Variants in RHOF observed in about 807,000 individuals in gnomAD.
RHOF encodes the protein ras homolog family member F, filopodia associated.
RHOF carries 21 observed loss-of-function variants against 22.2 expected under a neutral mutation model. That is an observed-to-expected ratio of 0.95 (90% confidence interval 0.67 to 1.36). RHOF has a LOEUF of 1.36. Ranked by LOEUF, RHOF falls within the 40% of genes most tolerant of loss-of-function variation. The pLI is 0.00. For synonymous variants in RHOF, 135 were observed against 131.2 expected (o/e 1.03, Z -0.20); for missense variants, 285 against 293.7 (o/e 0.97, Z 0.22).
chr12:121,793,346 C>T, intron 1 of RHOF, 107 bp from the exon 2 acceptor site: 1 of 1,433,750 alleles, frequency 7.0e-7, no homozygotes, highest in East Asian at 2.5e-5. Context: ...AGCCCCCCCT[C>T]ACCCCGCTGG....
chr12:121,785,584 G>A (rs73413732), intron 2 of RHOF, among the ~76,000 whole-genome samples: 30,878 of 150,520 alleles, frequency 0.21, 3,718 homozygotes, highest in African/African-American at 0.33. Flanking sequence ...GTGCCACCAT[G>A]CCTGGCTAAT....
intron 2 of RHOF, chr12:121,783,104 A>C (rs538024235): frequency 7.2e-5 from 11 of 152,360 alleles, no homozygotes; most frequent in African/African-American, 2.6e-4. Context: ...CCTCCACTGC[A>C]GAAAGTTCTA....
chr12:121,779,541 T>G lies in RHOF; in HGVS notation c.593A>C (p.Lys198Thr), dbSNP rs746152646. 3.1e-6 allele frequency: 5 copies of G among 1,613,216 alleles called. No individual in the cohort carries two copies. The South Asian group carries it at 3.3e-5, about 11-fold the overall frequency. ...CCGGCGCTTCTTCTGCCGTTGCGCC[T>G]TCTTCAGAGCGCTGAGAGCCACCTT... ...AAKVALSALK[K>T]AQRQKKRRLC... Residue 198 changes from lysine to threonine, a missense_variant, in exon 5 of 5, where the codon AAG (lysine) becomes ACG (threonine). By Grantham distance (78) the Lys-to-Thr change is moderately conservative (BLOSUM62 -1). Transcript: ENST00000267205.
chr12:121,791,807 G>C (rs1874772144), intron 2 of RHOF, among the ~76,000 whole-genome samples: 1 of 152,236 alleles, frequency 6.6e-6, no homozygotes, highest in Non-Finnish European at 1.5e-5. Flanking sequence ...CTGACCTCTT[G>C]CAGGGCAGTG....
intron 2 of RHOF, among the ~76,000 whole-genome samples, chr12:121,791,242 C>T (rs1211335517): frequency 2.6e-5 from 4 of 152,194 alleles, no homozygotes; most frequent in Non-Finnish European, 5.9e-5. Context: ...TCTCCTGCCT[C>T]AGCCTCCCGA....
intron 2 of RHOF, 111 bp downstream of exon 2, chr12:121,793,041 C>T: frequency 1.1e-6 from 1 of 948,726 alleles, no homozygotes. Flanking sequence ...GAAGAGCCGG[C>T]CAAGGCCCTG....
In RHOF at chr12:121,789,018, C is replaced by T. The variant is rs183013690; in HGVS notation, c.226+4134G>A. On this transcript the variant is annotated intron_variant, in intron 2 of 4. Coordinates refer to ENST00000267205, the MANE Select transcript of RHOF (RefSeq NM_019034.3). The stretch of plus-strand genomic sequence containing the variant: ...GCTGAAAGGGTCCATGTCACCTGCC[C>T]GTAGTCACAGAGGGGGCCCATCCAG... Among the ~76,000 whole-genome samples the T allele has an allele frequency of 6.8e-3, 1,038 of 152,184 alleles. 7 individuals are homozygous for T. Among genetic ancestry groups the T allele is most frequent in the African/African-American group, 0.021 (876 of 41,502 alleles).
chr12:121,782,060 G>T (rs1023386388), intron 2 of RHOF: 1 of 152,106 alleles, frequency 6.6e-6, no homozygotes, highest in South Asian at 2.1e-4. Context: ...ATTGCAACAC[G>T]AGTATGAAGA....
At chr12:121,788,982 A>G (rs912808785) in intron 2 of RHOF, among the ~76,000 whole-genome samples, 14 of 152,108 alleles carry the variant, frequency 9.2e-5, no homozygotes, top group Admixed American at 3.3e-4. Flanking sequence ...TCTACCTAAA[A>G]TGATACCAGG....
intron 2 of RHOF, among the ~76,000 whole-genome samples, chr12:121,792,281 T>C (rs1273091656): frequency 6.6e-6 from 1 of 152,192 alleles, no homozygotes; most frequent in East Asian, 1.9e-4. Context: ...CACTAAACAC[T>C]GAGTCACAGA....
chr12:121,790,202 C>T (rs1022368693), intron 2 of RHOF, among the ~76,000 whole-genome samples: 2 of 152,246 alleles, frequency 1.3e-5, no homozygotes, highest in African/African-American at 4.8e-5. Context: ...CGGCCCCTGC[C>T]CAGGACCAGC....
rs1874346167 is a variant in RHOF, at chr12:121,779,128, C to A, written c.*370G>T. 4.8e-6 allele frequency: 1 copy of A among 207,556 alleles called. No individual in the cohort carries two copies. The highest frequency in any genetic ancestry group is 2.3e-5 in the African/African-American group (1 of 44,196). The allele number at this position is 207,556 out of a possible 1,614,324, so 12.9% of individuals were successfully genotyped here. A position where few individuals can be genotyped will look rare whatever the true frequency, so the allele number is the denominator to read the frequency against. Reference sequence around the variant, plus strand: ...CACAGGAGTGGCAGGCTTGGGGCGCCCGCGTGGAACAGTGCCAGGTCTACG... The same window carrying A: ...CACAGGAGTGGCAGGCTTGGGGCGCACGCGTGGAACAGTGCCAGGTCTACG... On this transcript the variant is annotated 3_prime_UTR_variant, in exon 5 of 5. Transcript: ENST00000267205.
Position 121,778,866 on chromosome 12 carries a change from A to G in RHOF, c.*632T>C, listed in dbSNP as rs1179608828. On this transcript the variant is annotated 3_prime_UTR_variant, in exon 5 of 5. Transcript: ENST00000267205. ...GGTGGTCCAGGGTATACTTTTAACA[A>G]CTGAGAAGCCATTTTTTCTGCCCCC... 1 of 152,630 alleles carries G rather than the reference A, an allele frequency of 6.6e-6. No homozygotes were observed. The highest frequency in any genetic ancestry group is 2.4e-5 in the African/African-American group (1 of 41,392). 9.5% of individuals were successfully genotyped at this position (152,630 alleles called of 1,614,324 possible). A position where few individuals can be genotyped will look rare whatever the true frequency, so the allele number is the denominator to read the frequency against.
At position 121,793,618 on chromosome 12, in the gene RHOF, C is replaced by G; in HGVS notation, c.16G>C (p.Ala6Pro). 1 of 1,545,218 alleles carries G rather than the reference C, an allele frequency of 6.5e-7. No homozygotes were observed. The highest frequency in any genetic ancestry group is 8.7e-7 in the Non-Finnish European group (1 of 1,151,468). Residue 6 changes from alanine to proline, a missense_variant, in exon 1 of 5, where the codon GCC becomes CCC. Physicochemically the swap from Ala to Pro is conservative, Grantham distance 27. Transcript: ENST00000267205. MDAPG[A>P]LAQTAAPGPG... The stretch of plus-strand genomic sequence containing the variant: ...CCGGGGGCGGCGGTCTGGGCCAGGG[C>G]CCCGGGGGCATCCATTGCCCGGAGC...
At chr12:121,783,365 A>C (rs1000566563) in intron 2 of RHOF, among the ~76,000 whole-genome samples, 5 of 124,030 alleles carry the variant, frequency 4.0e-5, no homozygotes, top group Non-Finnish European at 8.0e-5. Context: ...TCTGTCACCC[A>C]GGCTGGAGTG....
chr12:121,781,448 G>A, intron 2 of RHOF: 1 of 437,450 alleles, frequency 2.3e-6, no homozygotes. Context: ...TCCAGCCTGG[G>A]TGACAGAGCG....
chr12:121,788,828 AGGAGGACTGCTATT>A (rs1048084925), intron 2 of RHOF, among the ~76,000 whole-genome samples: 1 of 152,164 alleles, frequency 6.6e-6, no homozygotes, highest in Non-Finnish European at 1.5e-5. Flanking sequence ...GCCGGGAGGC[AGGAGGACTGCTATT>A]GTGGTTACTG....
chr12:121,793,465 G>T (rs773704722), intron 1 of RHOF, 31 bp downstream of exon 1: 1 of 1,537,626 alleles, frequency 6.5e-7, no homozygotes. Context: ...GGCGTCCCTC[G>T]CCCCCACCCC....
At chr12:121,782,612 G>C (rs1874501063) in intron 2 of RHOF, 1 of 152,292 alleles carries the variant, frequency 6.6e-6, no homozygotes, top group African/African-American at 2.4e-5. Flanking sequence ...TCTCCACGGA[G>C]TACCACCAGG....
Sources: gnomAD v4.1 joint callset for allele counts (sites outside exome capture counted in the v4.1 genomes callset) on GRCh38, gnomAD v4.1.1 for gene constraint, MANE v1.5 for transcripts, NCBI Gene and HGNC (gene_info 2026-07-23, HGNC 2026-07-21) for gene names.